Variants in NEBL observed in about 807,000 individuals in gnomAD.
NEBL encodes nebulette.
In NEBL, 122 loss-of-function variants were observed where a neutral mutation model predicts 140.2. That is an observed-to-expected ratio of 0.87 (90% CI 0.75 to 1.01). The LOEUF (loss-of-function observed/expected upper bound fraction) is 1.01, where lower values mean the gene tolerates loss of function less well. Ranked by LOEUF, NEBL falls within the 50% of genes least tolerant of loss-of-function variation. The probability of loss-of-function intolerance (pLI) is 0.00; values close to 1 mark genes in which losing one functional copy is unlikely to be tolerated. For synonymous variants in NEBL, 436 were observed against 398.9 expected (o/e 1.09, Z -1.11); for missense variants, 1,365 against 1,231.3 (o/e 1.11, Z -1.62).
intron 3 of NEBL, among the ~76,000 whole-genome samples, chr10:21,244,852 AT>A (rs1179702331): frequency 2.0e-5 from 3 of 151,960 alleles, no homozygotes; most frequent in African/African-American, 7.2e-5. Flanking sequence ...CCTCTAAAAA[AT>A]AAAAGTAAAA....
At chr10:20,994,330 G>C (rs1010179169) in intron 3 of NEBL, among the ~76,000 whole-genome samples, 5 of 152,276 alleles carry the variant, frequency 3.3e-5, no homozygotes, top group African/African-American at 1.2e-4. Context: ...TAGAGGCAAA[G>C]TACAGGGAAG....
At chr10:21,096,786 G>A (rs1279660852) in intron 2 of NEBL, among the ~76,000 whole-genome samples, 1 of 152,038 alleles carries the variant, frequency 6.6e-6, no homozygotes, top group Non-Finnish European at 1.5e-5. Context: ...AGGATTACAG[G>A]TATGAGCCAT....
intron 1 of NEBL, among the ~76,000 whole-genome samples, chr10:21,282,212 G>A (rs756672362): frequency 6.6e-6 from 1 of 152,224 alleles, no homozygotes; most frequent in Admixed American, 6.5e-5. Context: ...AGATTTAGGA[G>A]CCTCTGCCCA....
chr10:21,021,973 T>C (rs1838816194), intron 2 of NEBL, among the ~76,000 whole-genome samples: 1 of 152,186 alleles, frequency 6.6e-6, no homozygotes, highest in Admixed American at 6.5e-5. Context: ...ATAAGGCATG[T>C]CGTCGCATTT....
intron 1 of NEBL, among the ~76,000 whole-genome samples, chr10:21,255,204 A>G (rs1842640889): frequency 6.6e-6 from 1 of 152,146 alleles, no homozygotes; most frequent in Non-Finnish European, 1.5e-5. Flanking sequence ...TGTGTAACCC[A>G]TGAGTGGCAC....
intron 3 of NEBL, chr10:21,218,302 G>C (rs573414075): frequency 1.3e-5 from 2 of 152,320 alleles, no homozygotes; most frequent in Non-Finnish European, 2.9e-5. Context: ...TTTGCAAAAT[G>C]CATACCTAAC....
At chr10:20,869,880 A>T in intron 5 of NEBL, 39 bp from the exon 6 acceptor site, 1 of 1,287,130 alleles carries the variant, frequency 7.8e-7, no homozygotes, top group East Asian at 2.3e-5. Flanking sequence ...TAAATAAATT[A>T]GTAATTTCAC....
intron 2 of NEBL, among the ~76,000 whole-genome samples, chr10:21,023,696 AAAATAAATAAAT>A (rs374573842): frequency 6.6e-6 from 1 of 151,630 alleles, no homozygotes; most frequent in Non-Finnish European, 1.5e-5. Context: ...CTCCATCTCA[AAAATAAATAAAT>A]AAATAAATAA....
chr10:21,001,089 C>T (rs1225193528), intron 3 of NEBL, among the ~76,000 whole-genome samples: 1 of 152,138 alleles, frequency 6.6e-6, no homozygotes, highest in Non-Finnish European at 1.5e-5. Flanking sequence ...CCCTTCTCCA[C>T]AGAAAGCAGC....
chr10:21,088,577 T>G (rs1229921452), intron 2 of NEBL, among the ~76,000 whole-genome samples: 1 of 152,200 alleles, frequency 6.6e-6, no homozygotes, highest in East Asian at 1.9e-4. Flanking sequence ...CCACTCTGAG[T>G]GCAGCCAGGT....
chr10:20,956,332 G>C (rs560666420), intron 4 of NEBL, among the ~76,000 whole-genome samples: 5 of 152,204 alleles, frequency 3.3e-5, no homozygotes, highest in Admixed American at 2.0e-4. Context: ...ACATCTGTTA[G>C]GTATTATGAG....
chr10:21,220,564 A>T (rs1342543050), intron 3 of NEBL, among the ~76,000 whole-genome samples: 2 of 152,342 alleles, frequency 1.3e-5, no homozygotes, highest in East Asian at 3.9e-4. Flanking sequence ...AACTTAGGGG[A>T]AAAGCTCCAT....
intron 2 of NEBL, among the ~76,000 whole-genome samples, chr10:21,117,259 T>G (rs1232217596): frequency 6.6e-6 from 1 of 151,610 alleles, no homozygotes; most frequent in Non-Finnish European, 1.5e-5. Context: ...AAAAACAAAC[T>G]ATTGAGCTCC....
chr10:21,084,934 T>G (rs1343204198), intron 2 of NEBL, among the ~76,000 whole-genome samples: 1 of 152,192 alleles, frequency 6.6e-6, no homozygotes. Flanking sequence ...CTAGCCCTGT[T>G]GCACATGAAT....
At chr10:20,900,452 G>C (rs1847812318), upstream of NEBL, among the ~76,000 whole-genome samples, 1 of 152,170 alleles carries the variant, frequency 6.6e-6, no homozygotes, top group Non-Finnish European at 1.5e-5. Flanking sequence ...GGCTGAGGCA[G>C]GCAGATCACA....
intron 2 of NEBL, among the ~76,000 whole-genome samples, chr10:21,109,489 G>C (rs1301280837): frequency 3.3e-5 from 5 of 152,110 alleles, no homozygotes; most frequent in Non-Finnish European, 5.9e-5. Flanking sequence ...GCCAGGTTTT[G>C]GTGTCAGGAT....
chr10:21,113,647 T>G (rs998525996), intron 2 of NEBL, among the ~76,000 whole-genome samples: 2 of 152,104 alleles, frequency 1.3e-5, no homozygotes, highest in Non-Finnish European at 2.9e-5. Flanking sequence ...TTGCCCAGAA[T>G]GTGTTGTCCA....
At position 21,173,975 on chromosome 10, in the gene NEBL, G is replaced by A. The variant is rs1841208462; in HGVS notation, c.-142C>T. Reference sequence around the variant, plus strand: ...GCGCCGGGTAGGGAGTCGGCGCCGGGCCACGGGTGAGTGCACGGGGAGGGC... The same window carrying A: ...GCGCCGGGTAGGGAGTCGGCGCCGGACCACGGGTGAGTGCACGGGGAGGGC... On this transcript the variant is annotated 5_prime_UTR_variant, in exon 1 of 7. Transcript: ENST00000417816. This position sits in a 1 kb window ranked among gnomAD's most constrained non-coding sequence, Gnocchi z 5.7. 5.2e-6 allele frequency: 7 copies of A among 1,345,144 alleles called. No homozygotes were observed. The highest frequency in any genetic ancestry group is 5.7e-6 in the Non-Finnish European group (6 of 1,057,278). 83.3% of individuals were successfully genotyped at this position (1,345,144 alleles called of 1,614,324 possible).
At chr10:20,933,719 C>A (rs1834323691) in intron 4 of NEBL, among the ~76,000 whole-genome samples, 1 of 152,156 alleles carries the variant, frequency 6.6e-6, no homozygotes, top group Non-Finnish European at 1.5e-5. Context: ...GATTGGGTGA[C>A]AGAGGGAGAC....
Sources: allele counts gnomAD v4.1 joint callset (sites outside exome capture counted in the v4.1 genomes callset), GRCh38; gene constraint gnomAD v4.1.1; non-coding constraint Gnocchi (gnomAD v3.1); transcripts MANE v1.5; gene names NCBI Gene and HGNC (gene_info 2026-07-23, HGNC 2026-07-21).